RC3H1: variants seen among roughly 807,000 people sequenced by gnomAD.
The protein encoded by RC3H1 is ring finger and CCCH-type domains 1.
A neutral mutation model predicts 138.2 loss-of-function variants in RC3H1; 50 were observed. The observed-to-expected ratio is 0.36, with a 90% CI of 0.29 to 0.46. The LOEUF is 0.46. Among genes scored for constraint, RC3H1 ranks in the 20% least tolerant of loss-of-function variants. The pLI, the probability that RC3H1 is intolerant of heterozygous loss-of-function variation, is 1.00. For synonymous variants in RC3H1, 462 were observed against 489.1 expected, an observed-to-expected ratio of 0.94 and a Z score of 0.73; for missense variants, 1,031 against 1,388.1, an observed-to-expected ratio of 0.74 and a Z score of 4.09.
intron 13 of RC3H1, among the ~76,000 whole-genome samples, chr1:173,960,107 CAAAAAAAAAA>C (rs58330993): frequency 7.8e-5 from 4 of 51,120 alleles, no homozygotes; most frequent in East Asian, 5.9e-4. Context: ...GACTCCGACT[CAAAAAAAAAA>C]AAAAAAAAAA....
intron 1 of RC3H1, among the ~76,000 whole-genome samples, chr1:174,002,050 G>GT (rs779608950): frequency 5.3e-5 from 8 of 151,622 alleles, no homozygotes; most frequent in Admixed American, 1.3e-4. Flanking sequence ...TTCTGAAACT[G>GT]TTTTTTTGTT....
chr1:173,945,259 G>A (rs900080853), intron 17 of RC3H1, among the ~76,000 whole-genome samples: 3 of 151,886 alleles, frequency 2.0e-5, no homozygotes, highest in Admixed American at 1.3e-4. Flanking sequence ...CTGAGTAGCT[G>A]AGACTACAGG....
In RC3H1 at chr1:173,933,639, C is replaced by T. The variant is rs1054794397; in HGVS notation, c.*5082G>A. ...AATAGTAACTATAATCAACCTACAA[C>T]TCCCAATAAGTCATTTCAGCAGGAA... is the stretch of plus-strand genomic sequence containing the variant. On this transcript the variant is annotated 3_prime_UTR_variant, in exon 20 of 20. Coordinates refer to ENST00000367696, the MANE Select transcript of RC3H1 (RefSeq NM_172071.4). 1.3e-5 allele frequency: 2 copies of T among 152,064 alleles called. No individual in the cohort carries two copies. Among genetic ancestry groups the T allele is most frequent in the Non-Finnish European group, 2.9e-5 (2 of 67,970 alleles). The allele number at this position is 152,064 out of a possible 1,614,324, so 9.4% of individuals were successfully genotyped here.
chr1:173,951,193 C>G (rs935528299), intron 14 of RC3H1, among the ~76,000 whole-genome samples: 34 of 152,028 alleles, frequency 2.2e-4, no homozygotes, highest in African/African-American at 8.0e-4. Context: ...GCCGTGGTGG[C>G]GCATGCCTCT....
intron 1 of RC3H1, among the ~76,000 whole-genome samples, chr1:173,995,520 CA>C (rs2103052489): frequency 7.4e-6 from 1 of 135,388 alleles, no homozygotes; most frequent in East Asian, 2.1e-4. Context: ...GGTGACAGAG[CA>C]AGACTCCATC....
intron 13 of RC3H1, among the ~76,000 whole-genome samples, chr1:173,956,485 C>T (rs1659652129): frequency 6.6e-6 from 1 of 151,636 alleles, no homozygotes; most frequent in Non-Finnish European, 1.5e-5. Flanking sequence ...CATGGAGAAA[C>T]CCCATCTCTA....
At position 173,959,613 on chromosome 1, in the gene RC3H1, T is replaced by C. The variant is rs1162156143; in HGVS notation, c.2370+1464A>G. Among the ~76,000 whole-genome samples the C allele has an allele frequency of 2.7e-5, 4 of 150,662 alleles. No individual in the cohort carries two copies. The South Asian group carries it at 6.3e-4, about 24-fold the overall frequency. On this transcript the variant is annotated intron_variant, in intron 13 of 19. Coordinates refer to ENST00000367696, the MANE Select transcript of RC3H1 (RefSeq NM_172071.4). ...TGGTGAAACCCCGTCTCTACTAAAA[T>C]ACAAAAAATTAGCCGGGCATGGTGG...
Position 173,984,547 on chromosome 1 carries a change from A to G in RC3H1, c.304T>C (p.Cys102Arg). 1 of 1,614,002 alleles carries G rather than the reference A, an allele frequency of 6.2e-7. No homozygotes were observed. Among genetic ancestry groups the G allele is most frequent in the Non-Finnish European group, 8.5e-7 (1 of 1,179,938 alleles). ...DTKHYEEAKK[C>R]VEELALYLKP... is the part of the protein sequence containing the mutation. ...AAGTACAATGCTAATTCTTCTACACATTTCTTGGCTTCCTCATAATGCTTT... is the reference window on the plus strand; with the variant it reads ...AAGTACAATGCTAATTCTTCTACACGTTTCTTGGCTTCCTCATAATGCTTT... Residue 102 changes from cysteine to arginine, a missense_variant, in exon 3 of 20, where the codon TGT becomes CGT. Around this residue, in one of 7 missense-constraint regions of RC3H1, gnomAD observed 80 missense variants for 81.1 expected, o/e 0.99. Coordinates refer to ENST00000367696, the MANE Select transcript of RC3H1 (RefSeq NM_172071.4).
chr1:173,940,194 G>T (rs956369375), intron 19 of RC3H1, among the ~76,000 whole-genome samples: 2 of 152,006 alleles, frequency 1.3e-5, no homozygotes, highest in African/African-American at 4.8e-5. Context: ...GGAAAGAGCC[G>T]GGTGCGGTGG....
chr1:173,994,749 A>C (rs1424799672), intron 1 of RC3H1, among the ~76,000 whole-genome samples: 2 of 151,056 alleles, frequency 1.3e-5, no homozygotes, highest in East Asian at 3.9e-4. Context: ...GTGAGCTACG[A>C]ACATGTGACT....
At chr1:173,952,230 A>G in intron 13 of RC3H1, 92 bp from the exon 14 acceptor site, 1 of 886,152 alleles carries the variant, frequency 1.1e-6, no homozygotes, top group Non-Finnish European at 1.6e-6. Context: ...CAGAGAAAGC[A>G]GGGAATTTCT....
At chr1:173,986,566 T>C (rs534474957) in intron 2 of RC3H1, among the ~76,000 whole-genome samples, 2 of 152,000 alleles carry the variant, frequency 1.3e-5, no homozygotes, top group South Asian at 2.1e-4. Context: ...TCTCCCTCTT[T>C]TTTTTTTCAA....
chr1:174,004,844 C>G (rs12239241), intron 1 of RC3H1, among the ~76,000 whole-genome samples: 4,694 of 151,484 alleles, frequency 0.031, 260 homozygotes, highest in African/African-American at 0.11. Flanking sequence ...TCTTACCATT[C>G]AGAGTAACAT....
chr1:174,002,519 T>A (rs1213951195), intron 1 of RC3H1, among the ~76,000 whole-genome samples: 1 of 152,200 alleles, frequency 6.6e-6, no homozygotes. Context: ...CTGGCATGCT[T>A]AAATCTTTGT....
intron 5 of RC3H1, among the ~76,000 whole-genome samples, chr1:173,981,969 G>C (rs1357904788): frequency 6.6e-6 from 1 of 152,104 alleles, no homozygotes; most frequent in African/African-American, 2.4e-5. Context: ...AATGTTTGAG[G>C]CGGTGCTTAT....
intron 2 of RC3H1, among the ~76,000 whole-genome samples, chr1:173,986,601 C>T (rs1314476795): frequency 6.6e-6 from 1 of 152,082 alleles, no homozygotes; most frequent in Non-Finnish European, 1.5e-5. Context: ...CTCACTCTGT[C>T]GCCCAGATTG....
chr1:173,999,950 C>T (rs921255794), intron 1 of RC3H1, among the ~76,000 whole-genome samples: 3 of 152,190 alleles, frequency 2.0e-5, no homozygotes, highest in Admixed American at 1.3e-4. Flanking sequence ...CAGGCTGGTA[C>T]TTTGAAACTC....
At chr1:173,947,657 T>A in intron 14 of RC3H1, 75 bp from the exon 15 acceptor site, 1 of 1,127,690 alleles carries the variant, frequency 8.9e-7, no homozygotes, top group Non-Finnish European at 1.3e-6. Context: ...AGATCTGTAA[T>A]AAGGTTAAAG....
At chr1:173,996,582 C>T (rs543746612) in intron 1 of RC3H1, among the ~76,000 whole-genome samples, 1 of 152,308 alleles carries the variant, frequency 6.6e-6, no homozygotes, top group African/African-American at 2.4e-5. Context: ...CCTGGCCACT[C>T]ACAGATAAAC....
Sources: allele counts gnomAD v4.1 joint callset (sites outside exome capture counted in the v4.1 genomes callset), GRCh38; gene constraint gnomAD v4.1.1; regional missense constraint gnomAD v4.1.1; transcripts MANE v1.5; gene names NCBI Gene and HGNC (gene_info 2026-07-23, HGNC 2026-07-21).